PRELID3A: variants seen among roughly 807,000 people sequenced by gnomAD.
The protein encoded by PRELID3A is PRELI domain containing protein 3A.
Under a neutral mutation model 23.0 loss-of-function variants are expected in PRELID3A, and 27 were observed. The ratio of observed to expected loss-of-function variants is 1.17; its 90% CI spans 0.87 to 1.62. The LOEUF (loss-of-function observed/expected upper bound fraction) is 1.62. Among genes scored for constraint, PRELID3A ranks in the 40% most tolerant of loss-of-function variants. The pLI, the probability that PRELID3A is intolerant of heterozygous loss-of-function variation, is 0.00. For synonymous variants in PRELID3A, 87 were observed against 86.4 expected, an observed-to-expected ratio of 1.01 and a Z score of -0.04; for missense variants, 231 against 231.4, an observed-to-expected ratio of 1.00 and a Z score of 0.01.
At chr18:12,408,053 T>C in intron 1 of PRELID3A, 46 bp downstream of exon 1, 1 of 1,240,164 alleles carries the variant, frequency 8.1e-7, no homozygotes, top group Non-Finnish European at 1.0e-6. Context: ...AGACGCCGGC[T>C]CCTGCTCCCG....
intron 3 of PRELID3A, 57 bp downstream of exon 3, chr18:12,421,686 A>G: frequency 8.5e-7 from 1 of 1,170,588 alleles, no homozygotes; most frequent in Admixed American, 1.7e-5. Context: ...GTGGTGCGTA[A>G]GGCCTTCGTT....
intron 1 of PRELID3A, among the ~76,000 whole-genome samples, chr18:12,415,358 C>G (rs1039044000): frequency 6.6e-6 from 1 of 151,962 alleles, no homozygotes; most frequent in Non-Finnish European, 1.5e-5. Flanking sequence ...CTCCCAGGTT[C>G]AAGCAATTCT....
intron 3 of PRELID3A, 80 bp downstream of exon 3, chr18:12,421,709 C>T (rs1463328142): frequency 4.4e-6 from 4 of 918,728 alleles, no homozygotes; most frequent in Non-Finnish European, 5.3e-6. Flanking sequence ...ATTCTATTTC[C>T]AGCCCACCTT....
intron 1 of PRELID3A, among the ~76,000 whole-genome samples, chr18:12,410,144 G>T (rs1476214892): frequency 6.6e-6 from 1 of 152,206 alleles, no homozygotes; most frequent in Non-Finnish European, 1.5e-5. Flanking sequence ...TTTTCTTGAG[G>T]CTCACCATGT....
intron 3 of PRELID3A, among the ~76,000 whole-genome samples, chr18:12,425,348 C>T (rs529262098): frequency 6.6e-6 from 1 of 151,334 alleles, no homozygotes; most frequent in Non-Finnish European, 1.5e-5. Flanking sequence ...AGGCTGGGCG[C>T]AGTGGCTCAT....
rs145506898 is a variant in PRELID3A at position 12,425,126 on chromosome 18, A to G, written c.292-1915A>G. On this transcript the variant is annotated intron_variant, in intron 3 of 6. Transcript: ENST00000440960. ...CCATTGCACTCAAGAGTGAAACTCC[A>G]TCTGAAAAAAAAAAATTAAACTAAT... Among the ~76,000 whole-genome samples the G allele has an allele frequency of 1.5e-3, 226 of 146,092 alleles. 1 individual carries two copies. The highest frequency in any genetic ancestry group is 5.3e-3 in the African/African-American group (211 of 39,612).
chr18:12,414,409 C>T (rs141029946), intron 1 of PRELID3A, among the ~76,000 whole-genome samples: 142 of 152,244 alleles, frequency 9.3e-4, no homozygotes, highest in African/African-American at 3.2e-3. Context: ...GCAGAATTAG[C>T]GCAAATGTCA....
At chr18:12,420,753 G>A (rs1179650124) in intron 2 of PRELID3A, among the ~76,000 whole-genome samples, 7 of 100,620 alleles carry the variant, frequency 7.0e-5, no homozygotes, top group Admixed American at 2.8e-4. Context: ...CGTGGGGTGG[G>A]GGGTCGGTGG....
At chr18:12,429,299 C>A in intron 5 of PRELID3A, 51 bp from the exon 6 acceptor site, 1 of 1,528,760 alleles carries the variant, frequency 6.5e-7, no homozygotes, top group Non-Finnish European at 9.1e-7. Flanking sequence ...TTGCTGTCTG[C>A]AGCGGGAGGC....
intron 3 of PRELID3A, among the ~76,000 whole-genome samples, chr18:12,425,020 G>C (rs1452816754): frequency 2.6e-5 from 4 of 152,080 alleles, no homozygotes; most frequent in Non-Finnish European, 5.9e-5. Context: ...GCGGGTGCCT[G>C]TAGTCCCAGC....
intron 3 of PRELID3A, among the ~76,000 whole-genome samples, chr18:12,425,497 TG>T (rs1311555663): frequency 1.4e-5 from 2 of 147,862 alleles, no homozygotes; most frequent in African/African-American, 5.0e-5. Context: ...CCAGGCATGG[TG>T]GCGGGCGCCT....
chr18:12,415,493 G>C (rs1425480301), intron 1 of PRELID3A, among the ~76,000 whole-genome samples: 1 of 152,126 alleles, frequency 6.6e-6, no homozygotes, highest in African/African-American at 2.4e-5. Flanking sequence ...CTCCTGTCAA[G>C]TGATCCGCCC....
intron 6 of PRELID3A, 103 bp downstream of exon 6, chr18:12,429,539 T>A: frequency 4.4e-6 from 3 of 686,562 alleles, no homozygotes; most frequent in Non-Finnish European, 7.5e-6. Context: ...CAGCTGCTGG[T>A]GGCTCTCCAG....
At chr18:12,416,295 G>GT (rs2029948968) in intron 1 of PRELID3A, among the ~76,000 whole-genome samples, 1 of 151,060 alleles carries the variant, frequency 6.6e-6, no homozygotes, top group Admixed American at 6.6e-5. Flanking sequence ...GTTCTTTCTG[G>GT]GTTTTTGTTG....
chr18:12,424,456 C>T (rs1176647970), intron 3 of PRELID3A, among the ~76,000 whole-genome samples: 1 of 152,156 alleles, frequency 6.6e-6, no homozygotes, highest in African/African-American at 2.4e-5. Context: ...CAGTGACTTG[C>T]ATAAAATATT....
intron 6 of PRELID3A, among the ~76,000 whole-genome samples, chr18:12,430,802 TGTG>T (rs2030564884): frequency 6.7e-6 from 1 of 148,712 alleles, no homozygotes; most frequent in African/African-American, 2.5e-5. Context: ...ATGTGTGTGA[TGTG>T]TGTGTGCTAT....
At chr18:12,416,426 A>G (rs1381811422) in intron 1 of PRELID3A, among the ~76,000 whole-genome samples, 1 of 152,020 alleles carries the variant, frequency 6.6e-6, no homozygotes, top group African/African-American at 2.4e-5. Flanking sequence ...CTCCTGCCTC[A>G]ACCTCAGCCT....
intron 1 of PRELID3A, among the ~76,000 whole-genome samples, chr18:12,416,555 A>T (rs900457065): frequency 6.6e-6 from 1 of 152,082 alleles, no homozygotes; most frequent in Non-Finnish European, 1.5e-5. Context: ...AGCATCAAGC[A>T]GTCTTCCTGC....
intron 2 of PRELID3A, 115 bp downstream of exon 2, chr18:12,420,608 G>A (rs1021076680): frequency 6.9e-6 from 8 of 1,166,938 alleles, no homozygotes; most frequent in Non-Finnish European, 9.1e-6. Context: ...GGCTGCCATC[G>A]GGGTGGGAGG....
Sources: allele counts gnomAD v4.1 joint callset (sites outside exome capture counted in the v4.1 genomes callset), GRCh38; gene constraint gnomAD v4.1.1; transcripts MANE v1.5; gene names NCBI Gene and HGNC (gene_info 2026-07-23, HGNC 2026-07-21).